The following SOS1 variants were observed in gnomAD, a reference collection of about 807,000 sequenced individuals.
The protein encoded by SOS1 is son of sevenless homolog 1.
A neutral mutation model predicts 157.6 loss-of-function variants in SOS1; 25 were observed. The ratio of observed to expected loss-of-function variants is 0.16; its 90% CI spans 0.12 to 0.22. The LOEUF (loss-of-function observed/expected upper bound fraction) is 0.22, where lower values mean the gene tolerates loss of function less well. Among genes scored for constraint, SOS1 ranks in the 10% least tolerant of loss-of-function variants. SOS1 has a pLI of 1.00. For missense variants in SOS1, 1,237 were observed against 1,599.1 expected (o/e 0.77, Z 3.86); for synonymous variants, 528 against 534.0 (o/e 0.99, Z 0.16).
intron 1 of SOS1, among the ~76,000 whole-genome samples, chr2:39,105,227 T>C (rs1296385241): frequency 6.6e-6 from 1 of 152,088 alleles, no homozygotes; most frequent in Non-Finnish European, 1.5e-5. Flanking sequence ...AAAGTTTGTA[T>C]CAATTAAAAA....
In SOS1 at chr2:39,022,978, T is replaced by A. The variant is rs1669846008; in HGVS notation, c.1450A>T (p.Ser484Cys). Reference sequence around the variant, plus strand: ...TCTTTAAGACGATATTCTGCATTGCTAGCACCAGGAAGTCTTGGCTGCCCA... The same window carrying A: ...TCTTTAAGACGATATTCTGCATTGCAAGCACCAGGAAGTCTTGGCTGCCCA... ...NHGQPRLPGA[S>C]NAEYRLKEKF... Residue 484 changes from serine (S) to cysteine (C), a missense_variant, in exon 10 of 23, where the codon AGC (serine) becomes TGC (cysteine). Around this residue, in one of 15 missense-constraint regions of SOS1, gnomAD observed 210 missense variants for 220.2 expected, o/e 0.95. Coordinates refer to ENST00000402219, the MANE Select transcript of SOS1 (RefSeq NM_005633.4). 6.2e-7 allele frequency: 1 copy of A among 1,613,892 alleles called. No individual in the cohort carries two copies. The highest frequency in any genetic ancestry group is 1.3e-5 in the African/African-American group (1 of 75,048).
chr2:39,062,830 AT>A (rs1402551383), intron 2 of SOS1, among the ~76,000 whole-genome samples: 3 of 151,928 alleles, frequency 2.0e-5, no homozygotes. Context: ...TTTTGCCTCT[AT>A]TTTTTCAAAG....
chr2:39,088,668 G>A (rs1269736862), intron 1 of SOS1, among the ~76,000 whole-genome samples: 1 of 151,860 alleles, frequency 6.6e-6, no homozygotes, highest in East Asian at 1.9e-4. Flanking sequence ...TTCCTTTCTA[G>A]GGCTGAATAG....
chr2:39,118,330 T>C (rs1395365573), intron 1 of SOS1, among the ~76,000 whole-genome samples: 1 of 152,220 alleles, frequency 6.6e-6, no homozygotes, highest in Non-Finnish European at 1.5e-5. Context: ...AATCAAGATA[T>C]GGAGATATCC....
intron 20 of SOS1, among the ~76,000 whole-genome samples, chr2:38,994,201 A>T (rs943071732): frequency 6.6e-6 from 1 of 152,232 alleles, no homozygotes; most frequent in Non-Finnish European, 1.5e-5. Context: ...TGAAATGACA[A>T]TATTTCTGAT....
intron 20 of SOS1, among the ~76,000 whole-genome samples, chr2:38,994,626 A>C (rs543318593): frequency 4.6e-5 from 7 of 152,202 alleles, no homozygotes; most frequent in Non-Finnish European, 8.8e-5. Context: ...AGCATCCCTA[A>C]CTGAAAAATC....
At chr2:38,993,523 A>G (rs1668796778) in intron 20 of SOS1, 1 of 152,200 alleles carries the variant, frequency 6.6e-6, no homozygotes, top group South Asian at 2.1e-4. Context: ...ACGTATGTAT[A>G]CTACAGGAAT....
chr2:39,114,082 TTTTC>T (rs1048686853), intron 1 of SOS1, among the ~76,000 whole-genome samples: 19 of 152,156 alleles, frequency 1.2e-4, no homozygotes, highest in Admixed American at 5.2e-4. Context: ...TGACTCTTTC[TTTTC>T]TTTCTATTTT....
At chr2:39,110,119 G>T (rs1054010743) in intron 1 of SOS1, among the ~76,000 whole-genome samples, 2 of 150,962 alleles carry the variant, frequency 1.3e-5, no homozygotes, top group African/African-American at 4.9e-5. Context: ...GGTATCCATG[G>T]GGGATTGGTT....
intron 10 of SOS1, among the ~76,000 whole-genome samples, chr2:39,019,124 G>A (rs375904844): frequency 8.6e-4 from 130 of 151,886 alleles, no homozygotes; most frequent in African/African-American, 3.1e-3. Flanking sequence ...TCTGGCTTAA[G>A]TTTTTTCAAT....
rs951914307 is a variant in SOS1 at position 39,006,681 on chromosome 2, C to A, written c.2674-152G>T. On this transcript the variant is annotated intron_variant, in intron 16 of 22. Transcript: ENST00000402219. ...TCAAATATTGCTTCAAATAAATTAT[C>A]TTCATAGACCTCAGTATAAACTTAA... The A allele has an allele frequency of 7.6e-6, 5 of 660,594 alleles. No individual in the cohort carries two copies. In the Admixed American group the frequency reaches 1.0e-4, roughly 14 times the overall value. The allele number at this position is 660,594 out of a possible 1,614,324, so 40.9% of individuals were successfully genotyped here. A position where few individuals can be genotyped will look rare whatever the true frequency, so the allele number is the denominator to read the frequency against.
At chr2:38,986,858 A>G (rs1271294870) in intron 22 of SOS1, among the ~76,000 whole-genome samples, 1 of 152,192 alleles carries the variant, frequency 6.6e-6, no homozygotes, top group African/African-American at 2.4e-5. Context: ...TAAGTTAACT[A>G]TGTTAACATT....
At chr2:39,108,161 C>A (rs1673275465) in intron 1 of SOS1, among the ~76,000 whole-genome samples, 1 of 152,184 alleles carries the variant, frequency 6.6e-6, no homozygotes, top group African/African-American at 2.4e-5. Context: ...CTCTAAATCT[C>A]TCTAATTAAT....
At chr2:39,023,308 G>A in intron 9 of SOS1, 83 bp from the exon 10 acceptor site, 3 of 992,186 alleles carry the variant, frequency 3.0e-6, no homozygotes, top group Non-Finnish European at 4.6e-6. Context: ...TGTAAAAGTA[G>A]ATTTTTACAA....
At chr2:39,028,749 G>A (rs1384484188) in intron 8 of SOS1, among the ~76,000 whole-genome samples, 1 of 152,172 alleles carries the variant, frequency 6.6e-6, no homozygotes, top group African/African-American at 2.4e-5. Flanking sequence ...AATATACATT[G>A]TAATTGTCTA....
chr2:39,071,260 T>A (rs1356158285), intron 1 of SOS1, among the ~76,000 whole-genome samples: 1 of 152,192 alleles, frequency 6.6e-6, no homozygotes, highest in Non-Finnish European at 1.5e-5. Flanking sequence ...CTGGGCCTCC[T>A]GCCTCTTTCC....
rs1668513227 is a variant in SOS1 at position 38,985,101 on chromosome 2, T to C, written c.*723A>G. ...TTCTGTCATGTTAATGACACAAAAC[T>C]TCTCTTTTTTGAAGGCAACACCACC... is the stretch of plus-strand genomic sequence containing the variant. On this transcript the variant is annotated 3_prime_UTR_variant, in exon 23 of 23. Coordinates refer to ENST00000402219, the MANE Select transcript of SOS1 (RefSeq NM_005633.4). 6.6e-6 allele frequency: 1 copy of C among 152,224 alleles called. No individual in the cohort carries two copies. The highest frequency in any genetic ancestry group is 1.5e-5 in the Non-Finnish European group (1 of 68,048). 9.4% of individuals were successfully genotyped at this position (152,224 alleles called of 1,614,324 possible).
chr2:39,045,433 C>T (rs1266601742), intron 6 of SOS1, among the ~76,000 whole-genome samples: 1 of 152,032 alleles, frequency 6.6e-6, no homozygotes, highest in African/African-American at 2.4e-5. Flanking sequence ...CTGTCAGTTT[C>T]TACTTCTTAT....
intron 8 of SOS1, among the ~76,000 whole-genome samples, chr2:39,027,762 G>A (rs1159482599): frequency 6.6e-6 from 1 of 151,730 alleles, no homozygotes; most frequent in African/African-American, 2.4e-5. Context: ...TTTAAAAAAA[G>A]TACTAAATCC....
Sources: allele counts gnomAD v4.1 joint callset (sites outside exome capture counted in the v4.1 genomes callset), GRCh38; gene constraint gnomAD v4.1.1; regional missense constraint gnomAD v4.1.1; transcripts MANE v1.5; gene names NCBI Gene and HGNC (gene_info 2026-07-23, HGNC 2026-07-21).